Variants in CORIN observed in about 807,000 individuals in gnomAD.
The protein encoded by CORIN is atrial natriuretic peptide-converting enzyme.
In CORIN, 117 loss-of-function variants were observed where a neutral mutation model predicts 125.3. The observed-to-expected ratio is 0.93, with a 90% CI of 0.80 to 1.09. The LOEUF (loss-of-function observed/expected upper bound fraction) is 1.09. CORIN is among the 50% of genes least tolerant of loss of function. The probability of loss-of-function intolerance (pLI) is 0.00; values close to 1 mark genes in which losing one functional copy is unlikely to be tolerated. For synonymous variants in CORIN, 450 were observed against 466.4 expected (o/e 0.96, Z 0.45); for missense variants, 1,253 against 1,306.7 (o/e 0.96, Z 0.63).
chr4:47,604,959 C>T (rs1394385901), intron 19 of CORIN, among the ~76,000 whole-genome samples: 1 of 152,228 alleles, frequency 6.6e-6, no homozygotes, highest in African/African-American at 2.4e-5. Flanking sequence ...AGGCCCTACA[C>T]CATATGTTCA....
At chr4:47,812,684 A>C (rs1189068746) in intron 1 of CORIN, among the ~76,000 whole-genome samples, 1 of 152,228 alleles carries the variant, frequency 6.6e-6, no homozygotes, top group Non-Finnish European at 1.5e-5. Context: ...TTAAAAACAC[A>C]ATCATAGCAG....
chr4:47,806,909 A>G lies in CORIN; in HGVS notation c.202T>C (p.Tyr68His), dbSNP rs1731818682. Residue 68 changes from tyrosine to histidine, a missense_variant, in exon 2 of 22, where the codon TAT becomes CAT. Coordinates refer to ENST00000273857, the MANE Select transcript of CORIN (RefSeq NM_006587.4). The part of the protein sequence containing the change: ...LVLLLVILLS[Y>H]VGTLQKVYFK... ...TAATAATGGCCTCACCCACCAACATAGGAAAGCAGGATCACCAGCAAGAGA... is the reference window on the plus strand; with the variant it reads ...TAATAATGGCCTCACCCACCAACATGGGAAAGCAGGATCACCAGCAAGAGA... The G allele has an allele frequency of 6.2e-7, 1 of 1,611,774 alleles. No individual in the cohort carries two copies. The highest frequency in any genetic ancestry group is 2.2e-5 in the East Asian group (1 of 44,844).
chr4:47,706,577 G>A, intron 5 of CORIN: 8 of 1,607,902 alleles, frequency 5.0e-6, no homozygotes, highest in Middle Eastern at 1.8e-4. Flanking sequence ...GTTAGCCGTG[G>A]TGGCCGAAAA....
chr4:47,758,233 C>T (rs1208822704), intron 4 of CORIN, among the ~76,000 whole-genome samples: 2 of 151,858 alleles, frequency 1.3e-5, no homozygotes, highest in Non-Finnish European at 2.9e-5. Context: ...ATTTTAAAAA[C>T]CCAATCCTGC....
intron 13 of CORIN, among the ~76,000 whole-genome samples, chr4:47,651,982 A>G (rs1349666042): frequency 1.3e-5 from 2 of 152,198 alleles, no homozygotes; most frequent in African/African-American, 2.4e-5. Flanking sequence ...AGCCACCCCA[A>G]CAAAGTATCA....
intron 4 of CORIN, among the ~76,000 whole-genome samples, chr4:47,745,653 C>T (rs1392237382): frequency 2.0e-5 from 3 of 152,202 alleles, no homozygotes; most frequent in African/African-American, 4.8e-5. Context: ...TACCTACTCT[C>T]CCTGTCTCTT....
chr4:47,635,440 A>G (rs1157172019), intron 16 of CORIN, among the ~76,000 whole-genome samples: 1 of 152,260 alleles, frequency 6.6e-6, no homozygotes, highest in Non-Finnish European at 1.5e-5. Flanking sequence ...TCACAGATGT[A>G]TGAGCTGAGA....
chr4:47,636,949 A>T (rs1723049200), intron 16 of CORIN, among the ~76,000 whole-genome samples: 2 of 152,222 alleles, frequency 1.3e-5, no homozygotes, highest in African/African-American at 4.8e-5. Flanking sequence ...AGAAGACAGG[A>T]AAATGTAGGA....
At chr4:47,668,961 A>G (rs972075385) in intron 10 of CORIN, among the ~76,000 whole-genome samples, 3 of 152,196 alleles carry the variant, frequency 2.0e-5, no homozygotes, top group Non-Finnish European at 2.9e-5. Flanking sequence ...ATGATTTATG[A>G]TATCAATAAG....
intron 5 of CORIN, among the ~76,000 whole-genome samples, chr4:47,737,414 TG>T: frequency 6.6e-6 from 1 of 152,212 alleles, no homozygotes; most frequent in South Asian, 2.1e-4. Flanking sequence ...GCCTCAGCTG[TG>T]GAACACTGAA....
chr4:47,809,521 C>T (rs568886778), intron 1 of CORIN, among the ~76,000 whole-genome samples: 55 of 151,076 alleles, frequency 3.6e-4, no homozygotes, highest in South Asian at 3.0e-3. Context: ...TCTCCTACCT[C>T]AGCCTCCTGA....
At chr4:47,728,622 A>G (rs564040407) in intron 5 of CORIN, among the ~76,000 whole-genome samples, 1 of 152,218 alleles carries the variant, frequency 6.6e-6, no homozygotes. Flanking sequence ...ATGATCATAC[A>G]TATTAAATAA....
chr4:47,729,912 C>T (rs944488010), intron 5 of CORIN, among the ~76,000 whole-genome samples: 4 of 152,228 alleles, frequency 2.6e-5, no homozygotes, highest in Admixed American at 6.5e-5. Context: ...GAAGTCTGGC[C>T]GCTGGGTGCT....
At chr4:47,602,331 G>A (rs751156633) in intron 20 of CORIN, among the ~76,000 whole-genome samples, 1 of 152,174 alleles carries the variant, frequency 6.6e-6, no homozygotes, top group Non-Finnish European at 1.5e-5. Context: ...AACTGAATGA[G>A]AGAGTCCATT....
chr4:47,619,852 T>G (rs7657029), intron 19 of CORIN, among the ~76,000 whole-genome samples: 40,709 of 151,802 alleles, frequency 0.27, 5,542 homozygotes, highest in Admixed American at 0.35. Flanking sequence ...AGTGTAACCT[T>G]CTTATTACCA....
chr4:47,610,311 A>G (rs1159878748), intron 19 of CORIN, among the ~76,000 whole-genome samples: 1 of 152,174 alleles, frequency 6.6e-6, no homozygotes, highest in Non-Finnish European at 1.5e-5. Context: ...CTGGTGTGAA[A>G]TGGTATCTCA....
intron 13 of CORIN, among the ~76,000 whole-genome samples, chr4:47,648,666 G>A (rs1334249155): frequency 6.6e-6 from 1 of 152,170 alleles, no homozygotes; most frequent in Non-Finnish European, 1.5e-5. Context: ...TCTTAGCTAT[G>A]CAGCTATAGA....
intron 7 of CORIN, chr4:47,680,483 C>A: frequency 2.3e-6 from 1 of 429,596 alleles, no homozygotes; most frequent in South Asian, 3.1e-5. Flanking sequence ...TAAGTAACTA[C>A]TCTAGCTGCC....
intron 16 of CORIN, among the ~76,000 whole-genome samples, chr4:47,640,544 G>C (rs1402827181): frequency 6.6e-6 from 1 of 152,168 alleles, no homozygotes; most frequent in Non-Finnish European, 1.5e-5. Context: ...GATAATAAAA[G>C]TGTTCTAAAA....
Sources: gnomAD v4.1 joint callset for allele counts (sites outside exome capture counted in the v4.1 genomes callset) on GRCh38, gnomAD v4.1.1 for gene constraint, MANE v1.5 for transcripts, NCBI Gene and HGNC (gene_info 2026-07-23, HGNC 2026-07-21) for gene names.